The following ACOT12 variants were observed in gnomAD, a reference collection of about 807,000 sequenced individuals.
ACOT12 encodes the protein acetyl-coenzyme A thioesterase.
ACOT12 carries 51 observed loss-of-function variants against 67.7 expected under a neutral mutation model. The observed-to-expected ratio is 0.75, with a 90% CI of 0.60 to 0.95. The LOEUF is 0.95. Among genes scored for constraint, ACOT12 ranks in the 40% least tolerant of loss-of-function variants. ACOT12 has a pLI of 0.00. For synonymous variants in ACOT12, 251 were observed against 244.6 expected, an observed-to-expected ratio of 1.03 and a Z score of -0.24; for missense variants, 734 against 708.1, an observed-to-expected ratio of 1.04 and a Z score of -0.41.
chr5:81,346,039 G>A lies in ACOT12; in HGVS notation c.654-35C>T, dbSNP rs191098789. ...CAAAGGGAGGGAGAGAGAAGAAAGC[G>A]ATCACACATTCATTCATCGAACAAA... is the stretch of plus-strand genomic sequence containing the variant. On this transcript the variant is annotated intron_variant, in intron 6 of 14. Transcript: ENST00000307624. 212 of 1,605,646 alleles carry A rather than the reference G, an allele frequency of 1.3e-4. No individual in the cohort carries two copies. The African/African-American group carries it at 2.4e-3, about 18-fold the overall frequency.
At chr5:81,379,472 A>G (rs1483312808) in intron 2 of ACOT12, among the ~76,000 whole-genome samples, 2 of 152,064 alleles carry the variant, frequency 1.3e-5, no homozygotes, top group African/African-American at 4.8e-5. Flanking sequence ...CAGAACTTAA[A>G]GTACAATAAT....
chr5:81,356,839 C>A (rs1398671340), intron 5 of ACOT12, among the ~76,000 whole-genome samples: 1 of 152,022 alleles, frequency 6.6e-6, no homozygotes, highest in Non-Finnish European at 1.5e-5. Flanking sequence ...GGTTTAGGCA[C>A]CCCTCGCCTT....
At chr5:81,361,741 T>C (rs1759915517) in intron 4 of ACOT12, among the ~76,000 whole-genome samples, 1 of 152,248 alleles carries the variant, frequency 6.6e-6, no homozygotes, top group Non-Finnish European at 1.5e-5. Flanking sequence ...ACCATCTGCT[T>C]TAGCTTAGTA....
intron 1 of ACOT12, among the ~76,000 whole-genome samples, chr5:81,389,233 G>A (rs1022021970): frequency 2.6e-5 from 4 of 152,198 alleles, no homozygotes; most frequent in African/African-American, 9.6e-5. Flanking sequence ...AAAGGTCCTG[G>A]TGACTGCAAT....
intron 4 of ACOT12, among the ~76,000 whole-genome samples, chr5:81,360,888 G>T (rs1487476634): frequency 6.6e-6 from 1 of 151,888 alleles, no homozygotes; most frequent in African/African-American, 2.4e-5. Context: ...ACTGCACCTG[G>T]CCAACACGTT....
At position 81,332,517 on chromosome 5, in the gene ACOT12, A is replaced by G. The variant is rs1758861365; in HGVS notation, c.1351T>C (p.Leu451=). ...TTTCTTCGTGATACGAGTACTACCA[A>G]GTCTTTGGGTTTGTCATCATTCAGT... ...PILNDDKPKD[L]VVLVSRRKPL... Residue 451 remains leucine, a synonymous_variant, in exon 13 of 15, where the codon TTG becomes CTG. Coordinates refer to ENST00000307624, the MANE Select transcript of ACOT12 (RefSeq NM_130767.3). 6.2e-7 allele frequency: 1 copy of G among 1,614,006 alleles called. No homozygotes were observed. Among genetic ancestry groups the G allele is most frequent in the African/African-American group, 1.3e-5 (1 of 74,990 alleles).
the ACOT12 span, chr5:81,311,350 A>G: frequency 4.8e-6 from 7 of 1,453,950 alleles, no homozygotes; most frequent in Admixed American, 3.4e-5. Context: ...TGCACTTGTT[A>G]TTAATAACTC....
intron 5 of ACOT12, among the ~76,000 whole-genome samples, chr5:81,358,645 T>C (rs1418538591): frequency 1.3e-5 from 2 of 151,930 alleles, no homozygotes; most frequent in Non-Finnish European, 2.9e-5. Context: ...AGGTTGGGAG[T>C]TCGAGACCAG....
At chr5:81,379,728 A>G (rs557299743) in intron 2 of ACOT12, among the ~76,000 whole-genome samples, 63 of 152,286 alleles carry the variant, frequency 4.1e-4, no homozygotes, top group Admixed American at 1.2e-3. Flanking sequence ...ATACTATTTT[A>G]ATCATAGTAG....
chr5:81,388,396 A>T (rs1314932904), intron 1 of ACOT12, among the ~76,000 whole-genome samples: 2 of 152,196 alleles, frequency 1.3e-5, no homozygotes, highest in Admixed American at 1.3e-4. Flanking sequence ...ACATGAACTC[A>T]CAGGACTGGC....
chr5:81,385,305 C>G (rs1303699151), intron 2 of ACOT12, among the ~76,000 whole-genome samples: 1 of 151,328 alleles, frequency 6.6e-6, no homozygotes, highest in Non-Finnish European at 1.5e-5. Context: ...TAAATAAATA[C>G]AAAAAAAATT....
At chr5:81,382,869 G>T (rs1405033021) in intron 2 of ACOT12, among the ~76,000 whole-genome samples, 1 of 151,868 alleles carries the variant, frequency 6.6e-6, no homozygotes, top group Non-Finnish European at 1.5e-5. Flanking sequence ...AAAATCCATA[G>T]GCTCTTAATG....
chr5:81,388,502 A>T (rs1416351113), intron 1 of ACOT12, among the ~76,000 whole-genome samples: 1 of 152,226 alleles, frequency 6.6e-6, no homozygotes, highest in Admixed American at 6.5e-5. Flanking sequence ...AGAGAAGCTA[A>T]GTGATTGTAA....
At chr5:81,369,047 T>C (rs535792430) in intron 3 of ACOT12, among the ~76,000 whole-genome samples, 2 of 152,250 alleles carry the variant, frequency 1.3e-5, no homozygotes, top group South Asian at 2.1e-4. Flanking sequence ...GTGATCCAAC[T>C]GTATAACTTT....
At chr5:81,315,748 A>T in the ACOT12 span, among the ~76,000 whole-genome samples, 1 of 152,178 alleles carries the variant, frequency 6.6e-6, no homozygotes, top group African/African-American at 2.4e-5. Flanking sequence ...GCCATATGTG[A>T]GGGACAGAAA....
chr5:81,322,568 G>C, the ACOT12 span, among the ~76,000 whole-genome samples: 1 of 152,090 alleles, frequency 6.6e-6, no homozygotes, highest in African/African-American at 2.4e-5. Context: ...GCTTAGGAAA[G>C]GCCTCTTTTA....
At chr5:81,317,607 T>C in the ACOT12 span, among the ~76,000 whole-genome samples, 24 of 151,730 alleles carry the variant, frequency 1.6e-4, no homozygotes, top group African/African-American at 5.3e-4. Flanking sequence ...AGAAGTTGAA[T>C]GGGAAGCAGG....
the ACOT12 span, among the ~76,000 whole-genome samples, chr5:81,311,728 T>C: frequency 6.6e-6 from 1 of 151,992 alleles, no homozygotes; most frequent in Non-Finnish European, 1.5e-5. Context: ...ATATTAAAAA[T>C]GTGTTATCTA....
chr5:81,393,927 AGCC>A (rs1239935027), intron 1 of ACOT12, 58 bp downstream of exon 1: 5 of 1,263,026 alleles, frequency 4.0e-6, no homozygotes, highest in South Asian at 2.6e-5. Context: ...CCCAGCCCCC[AGCC>A]GCCGCCGCTC....
Sources: gnomAD v4.1 joint callset for allele counts (sites outside exome capture counted in the v4.1 genomes callset) on GRCh38, gnomAD v4.1.1 for gene constraint, MANE v1.5 for transcripts, NCBI Gene and HGNC (gene_info 2026-07-23, HGNC 2026-07-21) for gene names.